The following LRRIQ3 variants were observed in gnomAD, a reference collection of about 807,000 sequenced individuals.
LRRIQ3 encodes the protein leucine rich repeats and IQ motif containing 3, also known as leucine-rich repeat and IQ domain-containing protein 3.
In LRRIQ3, 75 loss-of-function variants were observed where a neutral mutation model predicts 59.3. That is an observed-to-expected ratio of 1.26 (90% CI 1.05 to 1.53). The LOEUF (loss-of-function observed/expected upper bound fraction) is 1.53, where lower values mean the gene tolerates loss of function less well. Among genes scored for constraint, LRRIQ3 ranks in the 40% most tolerant of loss-of-function variants. The pLI, the probability that LRRIQ3 is intolerant of heterozygous loss-of-function variation, is 0.00. For synonymous variants in LRRIQ3, 250 were observed against 231.3 expected (o/e 1.08, Z -0.73); for missense variants, 831 against 710.0 (o/e 1.17, Z -1.94).
chr1:74,192,052 C>G (rs991915051), intron 1 of LRRIQ3, among the ~76,000 whole-genome samples: 1 of 152,010 alleles, frequency 6.6e-6, no homozygotes, highest in Non-Finnish European at 1.5e-5. Flanking sequence ...AATAAATACT[C>G]TACTCAGATT....
intron 4 of LRRIQ3, among the ~76,000 whole-genome samples, chr1:74,136,016 A>G (rs907798180): frequency 3.3e-5 from 5 of 151,958 alleles, no homozygotes; most frequent in Admixed American, 6.6e-5. Context: ...AAAACAAAAG[A>G]AGGCATATAT....
chr1:74,091,444 T>A (rs185376792), intron 5 of LRRIQ3, among the ~76,000 whole-genome samples: 1 of 152,140 alleles, frequency 6.6e-6, no homozygotes, highest in Non-Finnish European at 1.5e-5. Flanking sequence ...GTTACTCTGC[T>A]TATTATTTTT....
At chr1:74,098,877 C>T (rs1481663151) in intron 5 of LRRIQ3, among the ~76,000 whole-genome samples, 1 of 152,030 alleles carries the variant, frequency 6.6e-6, no homozygotes, top group African/African-American at 2.4e-5. Flanking sequence ...ACACAACATA[C>T]CAGAATCTCT....
chr1:74,035,342 T>C (rs1374418305), intron 7 of LRRIQ3, among the ~76,000 whole-genome samples: 1 of 152,090 alleles, frequency 6.6e-6, no homozygotes, highest in Non-Finnish European at 1.5e-5. Context: ...TGAATTCTCA[T>C]AACTGATTTA....
At chr1:74,041,062 A>G (rs1288400215) in intron 7 of LRRIQ3, 151 bp downstream of exon 7, 5 of 649,230 alleles carry the variant, frequency 7.7e-6, no homozygotes, top group Non-Finnish European at 1.0e-5. Context: ...TTGGTAATAT[A>G]TTAGTATATT....
rs34868965 is a variant in LRRIQ3 at position 74,035,866 on chromosome 1, T to C, written c.1718+5347A>G. Among the ~76,000 whole-genome samples, 316 of 152,252 alleles carry C rather than the reference T, an allele frequency of 2.1e-3. 1 individual carries two copies. Among genetic ancestry groups the C allele is most frequent in the Middle Eastern group, 3.4e-3 (1 of 294 alleles). ...TTACCTATTTTGAACTTTCCAACTT[T>C]GCTTATCCTCTTCTCCTTGCCTCAC... On this transcript the variant is annotated intron_variant, in intron 7 of 7. Transcript: ENST00000354431.
intron 4 of LRRIQ3, among the ~76,000 whole-genome samples, chr1:74,117,730 C>A (rs1335017676): frequency 6.6e-6 from 1 of 152,092 alleles, no homozygotes; most frequent in Non-Finnish European, 1.5e-5. Flanking sequence ...CGCACCACCG[C>A]ACTCCAGTCT....
chr1:74,110,780 G>A (rs1322714142), intron 4 of LRRIQ3, among the ~76,000 whole-genome samples: 3 of 151,900 alleles, frequency 2.0e-5, no homozygotes, highest in Non-Finnish European at 2.9e-5. Flanking sequence ...ATTAGTTAAG[G>A]TAAAATATAC....
chr1:74,169,676 C>T (rs996710050), intron 3 of LRRIQ3, among the ~76,000 whole-genome samples: 3 of 151,974 alleles, frequency 2.0e-5, no homozygotes, highest in African/African-American at 7.2e-5. Context: ...CTTAGCCTCC[C>T]AAATAGCTGA....
intron 5 of LRRIQ3, among the ~76,000 whole-genome samples, chr1:74,092,669 G>A (rs1449296435): frequency 6.6e-6 from 1 of 151,936 alleles, no homozygotes; most frequent in Non-Finnish European, 1.5e-5. Flanking sequence ...GTTATATCTA[G>A]CCAGGCTGAA....
chr1:74,063,139 C>T (rs1233138132), intron 6 of LRRIQ3, among the ~76,000 whole-genome samples: 1 of 149,428 alleles, frequency 6.7e-6, no homozygotes, highest in African/African-American at 2.4e-5. Context: ...ACAACAACAA[C>T]AACAACAACA....
At chr1:74,079,927 T>A (rs1646254547) in intron 5 of LRRIQ3, among the ~76,000 whole-genome samples, 1 of 151,798 alleles carries the variant, frequency 6.6e-6, no homozygotes, top group South Asian at 2.1e-4. Context: ...TTCTTTCACA[T>A]CTTTTTGTTA....
At chr1:74,184,198 G>A (rs1650205487) in intron 1 of LRRIQ3, among the ~76,000 whole-genome samples, 1 of 151,986 alleles carries the variant, frequency 6.6e-6, no homozygotes, top group Non-Finnish European at 1.5e-5. Context: ...CAATATTTGT[G>A]TCTTACAGAG....
At chr1:74,153,769 C>T (rs1648131426) in intron 4 of LRRIQ3, among the ~76,000 whole-genome samples, 1 of 150,846 alleles carries the variant, frequency 6.6e-6, no homozygotes, top group Non-Finnish European at 1.5e-5. Flanking sequence ...ATATCCCAAA[C>T]ATTTGTCCTA....
At chr1:74,152,744 T>A (rs1648070149) in intron 4 of LRRIQ3, among the ~76,000 whole-genome samples, 1 of 152,152 alleles carries the variant, frequency 6.6e-6, no homozygotes, top group African/African-American at 2.4e-5. Context: ...TACCATTCCT[T>A]ACTGAAAGGA....
chr1:74,192,791 T>C (rs931832648), intron 1 of LRRIQ3, among the ~76,000 whole-genome samples: 1 of 152,184 alleles, frequency 6.6e-6, no homozygotes, highest in Non-Finnish European at 1.5e-5. Context: ...ATTCAGAATA[T>C]AACGTATGTG....
At chr1:74,070,713 A>G (rs1311612165) in intron 6 of LRRIQ3, among the ~76,000 whole-genome samples, 1 of 151,886 alleles carries the variant, frequency 6.6e-6, no homozygotes, top group South Asian at 2.1e-4. Context: ...GTAAAAAGAA[A>G]TCTAAGCATA....
intron 1 of LRRIQ3, among the ~76,000 whole-genome samples, chr1:74,191,990 TATC>T (rs1403014570): frequency 6.6e-6 from 1 of 152,040 alleles, no homozygotes; most frequent in East Asian, 1.9e-4. Context: ...GGGCATATTT[TATC>T]ATCATCTCAT....
At chr1:74,146,780 C>A (rs1418076287) in intron 4 of LRRIQ3, among the ~76,000 whole-genome samples, 2 of 152,198 alleles carry the variant, frequency 1.3e-5, no homozygotes, top group Non-Finnish European at 2.9e-5. Flanking sequence ...ATGTCTGGCA[C>A]ACAGTGCCAA....
Sources: gnomAD v4.1 joint callset for allele counts (sites outside exome capture counted in the v4.1 genomes callset) on GRCh38, gnomAD v4.1.1 for gene constraint, MANE v1.5 for transcripts, NCBI Gene and HGNC (gene_info 2026-07-23, HGNC 2026-07-21) for gene names.